The following PBX3 variants were observed in gnomAD, a reference collection of about 807,000 sequenced individuals.
PBX3 encodes the protein PBX homeobox 3, also known as pre-B-cell leukemia transcription factor 3.
Under a neutral mutation model 48.5 loss-of-function variants are expected in PBX3, and 14 were observed. The ratio of observed to expected loss-of-function variants is 0.29; its 90% CI spans 0.19 to 0.45. The LOEUF (loss-of-function observed/expected upper bound fraction) is 0.45, where lower values mean the gene tolerates loss of function less well. Ranked by LOEUF, PBX3 falls within the 20% of genes least tolerant of loss-of-function variation. The pLI, the probability that PBX3 is intolerant of heterozygous loss-of-function variation, is 1.00. For missense variants in PBX3, 386 were observed against 546.7 expected, an observed-to-expected ratio of 0.71 and a Z score of 2.93; for synonymous variants, 210 against 200.3, an observed-to-expected ratio of 1.05 and a Z score of -0.41.
At chr9:125,843,612 G>A (rs1342254959) in intron 2 of PBX3, 5 of 229,538 alleles carry the variant, frequency 2.2e-5, no homozygotes, top group African/African-American at 9.3e-5. Flanking sequence ...TTTAATGGCC[G>A]GTGCTTGGTA....
At chr9:125,801,721 A>C (rs1239564691) in intron 2 of PBX3, among the ~76,000 whole-genome samples, 1 of 150,304 alleles carries the variant, frequency 6.7e-6, no homozygotes, top group Non-Finnish European at 1.5e-5. Flanking sequence ...CATAGCTTGC[A>C]TGTGTTCTTC....
At chr9:125,917,811 A>G (rs567323306) in intron 3 of PBX3, among the ~76,000 whole-genome samples, 24 of 152,292 alleles carry the variant, frequency 1.6e-4, no homozygotes, top group African/African-American at 4.3e-4. Context: ...TATTTTTGGA[A>G]TAGGATTTTC....
intron 4 of PBX3, among the ~76,000 whole-genome samples, chr9:125,933,143 A>G (rs1292951359): frequency 6.6e-6 from 1 of 152,222 alleles, no homozygotes; most frequent in Non-Finnish European, 1.5e-5. Flanking sequence ...GGTTCCATCT[A>G]TTCTTGTAGT....
intron 2 of PBX3, among the ~76,000 whole-genome samples, chr9:125,867,180 G>A (rs967449510): frequency 6.6e-6 from 1 of 151,812 alleles, no homozygotes; most frequent in Admixed American, 6.5e-5. Flanking sequence ...CATTGATGTC[G>A]TTAGGACCAT....
chr9:125,767,968 C>T (rs892531281), intron 2 of PBX3, among the ~76,000 whole-genome samples: 1 of 150,430 alleles, frequency 6.6e-6, no homozygotes, highest in African/African-American at 2.5e-5. Context: ...GGCTGGCGGC[C>T]GGTGGGACGG....
At chr9:125,872,222 G>T (rs1405381103) in intron 2 of PBX3, among the ~76,000 whole-genome samples, 1 of 152,144 alleles carries the variant, frequency 6.6e-6, no homozygotes, top group Non-Finnish European at 1.5e-5. Flanking sequence ...AATGATTTGG[G>T]AGAAATAAAT....
chr9:125,747,514 G>A lies in PBX3; in HGVS notation c.61G>A (p.Val21Met). The A allele has an allele frequency of 6.3e-7, 1 of 1,598,920 alleles. No individual in the cohort carries two copies. Among genetic ancestry groups the A allele is most frequent in the South Asian group, 1.1e-5 (1 of 89,636 alleles). The change falls in exon 1 of 9, where the codon GTG (valine) becomes ATG (methionine). Residue 21 changes from valine to methionine, a missense_variant. By Grantham distance (21) the Val-to-Met change is conservative (BLOSUM62 1). Transcript: ENST00000373489. ...LAGVNLAGHS[V>M]QGGMALPPPP... is the part of the protein sequence containing the mutation. ...CGGGGTGAACCTGGCTGGCCACTCG[G>A]TGCAGGGGGGCATGGCCCTGCCGCC...
chr9:125,786,727 A>ATT (rs34887904), intron 2 of PBX3, among the ~76,000 whole-genome samples: 2,693 of 143,830 alleles, frequency 0.019, 98 homozygotes, highest in African/African-American at 0.065. Flanking sequence ...GTATGTAGAG[A>ATT]TTTTTTTTTT....
chr9:125,914,610 C>T (rs1202835650), intron 2 of PBX3, among the ~76,000 whole-genome samples: 1 of 152,192 alleles, frequency 6.6e-6, no homozygotes, highest in East Asian at 1.9e-4. Flanking sequence ...CAGGCACAGA[C>T]TCAAAAGAGA....
intron 2 of PBX3, among the ~76,000 whole-genome samples, chr9:125,767,589 G>C (rs1455195298): frequency 6.6e-6 from 1 of 152,144 alleles, no homozygotes; most frequent in East Asian, 1.9e-4. Flanking sequence ...TCACTTTCTA[G>C]AAAAGTGCAC....
At chr9:125,753,305 A>G (rs1269587000) in intron 2 of PBX3, among the ~76,000 whole-genome samples, 2 of 146,232 alleles carry the variant, frequency 1.4e-5, no homozygotes, top group Non-Finnish European at 3.0e-5. Flanking sequence ...TTCTATTTTT[A>G]TAGATTTGGT....
intron 2 of PBX3, among the ~76,000 whole-genome samples, chr9:125,795,648 G>A (rs1045524776): frequency 2.6e-5 from 4 of 152,168 alleles, no homozygotes; most frequent in African/African-American, 9.6e-5. Context: ...TATTAGCAGA[G>A]GGCTTTACCC....
At chr9:125,873,878 G>A (rs1840186088) in intron 2 of PBX3, among the ~76,000 whole-genome samples, 1 of 152,048 alleles carries the variant, frequency 6.6e-6, no homozygotes, top group African/African-American at 2.4e-5. Context: ...ACAATGGAAA[G>A]CATCAACAAA....
At chr9:125,808,532 G>GGCAT (rs1838195535) in intron 2 of PBX3, among the ~76,000 whole-genome samples, 1 of 152,052 alleles carries the variant, frequency 6.6e-6, no homozygotes, top group African/African-American at 2.4e-5. Context: ...CAGGTGTGGT[G>GGCAT]GCATGCGTTG....
intron 2 of PBX3, chr9:125,748,957 G>A (rs12347819): frequency 0.053 from 12,054 of 228,942 alleles, 586 homozygotes; most frequent in Admixed American, 0.12. Context: ...TTTAAAAGGA[G>A]CAACGGGAGA....
intron 2 of PBX3, among the ~76,000 whole-genome samples, chr9:125,877,399 T>C (rs1840280070): frequency 6.6e-6 from 1 of 152,210 alleles, no homozygotes; most frequent in African/African-American, 2.4e-5. Context: ...CTAGTACTTC[T>C]AGGACTTGTG....
At chr9:125,808,745 G>C (rs1838201754) in intron 2 of PBX3, among the ~76,000 whole-genome samples, 2 of 152,038 alleles carry the variant, frequency 1.3e-5, no homozygotes, top group East Asian at 1.9e-4. Flanking sequence ...AGAAATACAG[G>C]GTTAGGTTCC....
chr9:125,776,992 A>T lies in PBX3; in HGVS notation c.274+28369A>T, dbSNP rs1036288508. On this transcript the variant is annotated intron_variant, in intron 2 of 8. Transcript: ENST00000373489. ...AGGCATGAGCCACTGCGCCTGGCTG[A>T]CACATGATTTTTCTTTTCTTTTCTT... Among the ~76,000 whole-genome samples, 3 of 148,854 alleles carry T rather than the reference A, an allele frequency of 2.0e-5. No individual in the cohort carries two copies. In the Admixed American group the frequency reaches 2.0e-4, roughly 10 times the overall value.
chr9:125,787,140 A>G (rs1221970722), intron 2 of PBX3, among the ~76,000 whole-genome samples: 1 of 152,102 alleles, frequency 6.6e-6, no homozygotes, highest in Non-Finnish European at 1.5e-5. Context: ...CCTTAGCTCA[A>G]GTGATCCTCC....
Sources: allele counts gnomAD v4.1 joint callset (sites outside exome capture counted in the v4.1 genomes callset), GRCh38; gene constraint gnomAD v4.1.1; transcripts MANE v1.5; gene names NCBI Gene and HGNC (gene_info 2026-07-23, HGNC 2026-07-21).